Variants in SNRPN observed in about 807,000 individuals in gnomAD.
SNRPN encodes the protein small nuclear ribonucleoprotein polypeptide N.
In SNRPN, 7 loss-of-function variants were observed where a neutral mutation model predicts 25.2. The observed-to-expected ratio is 0.28, with a 90% CI of 0.16 to 0.52. The LOEUF is 0.52. Ranked by LOEUF, SNRPN falls within the 20% of genes least tolerant of loss-of-function variation. SNRPN has a pLI of 0.96. For missense variants in SNRPN, 196 were observed against 322.5 expected, an observed-to-expected ratio of 0.61 and a Z score of 3.00; for synonymous variants, 124 against 110.6, an observed-to-expected ratio of 1.12 and a Z score of -0.76.
intron 2 of SNRPN, chr15:24,912,365 T>G (rs2059268947): frequency 6.6e-6 from 1 of 152,206 alleles, no homozygotes; most frequent in African/African-American, 2.4e-5. Context: ...CTTCACAGGT[T>G]CACAGCTGGA....
At chr15:24,840,929 CCT>C (rs2051635892) in intron 2 of SNRPN, among the ~76,000 whole-genome samples, 1 of 152,170 alleles carries the variant, frequency 6.6e-6, no homozygotes, top group South Asian at 2.1e-4. Flanking sequence ...CTAACCTCCG[CCT>C]CCCAGGTTTA....
At position 24,974,970 on chromosome 15, in the gene SNRPN, T is replaced by C. The variant is rs1481218090; in HGVS notation, c.4-388T>C. ...GATGGACTCTCAGGTCAGATTACAATAGAAATAAAGAGGGCTTTGAAAATG... is the reference window on the plus strand; with the variant it reads ...GATGGACTCTCAGGTCAGATTACAACAGAAATAAAGAGGGCTTTGAAAATG... On this transcript the variant is annotated intron_variant, in intron 4 of 9. Transcript: ENST00000390687. 8 of 702,896 alleles carry C rather than the reference T, an allele frequency of 1.1e-5. No individual in the cohort carries two copies. In the East Asian group the frequency reaches 1.3e-4, roughly 12 times the overall value. The allele number at this position is 702,896 out of a possible 1,614,324, so 43.5% of individuals were successfully genotyped here. A position where few individuals can be genotyped will look rare whatever the true frequency, so the allele number is the denominator to read the frequency against.
At chr15:24,858,429 G>A (rs2053640502) in intron 1 of SNRPN, among the ~76,000 whole-genome samples, 1 of 150,912 alleles carries the variant, frequency 6.6e-6, no homozygotes, top group African/African-American at 2.4e-5. Context: ...TTAGTGTCCT[G>A]GGTAGTGAAA....
At chr15:24,835,086 TAAA>T (rs2051001192) in intron 2 of SNRPN, among the ~76,000 whole-genome samples, 1 of 54,280 alleles carries the variant, frequency 1.8e-5, no homozygotes, top group Non-Finnish European at 3.9e-5. Context: ...TATCTATATA[TAAA>T]ATATATAGAT....
chr15:24,968,203 A>G, intron 3 of SNRPN, 121 bp downstream of exon 3: 4 of 651,856 alleles, frequency 6.1e-6, no homozygotes, highest in Non-Finnish European at 8.0e-6. Flanking sequence ...CAATAAACAC[A>G]TTGCAGAAAG....
intron 3 of SNRPN, among the ~76,000 whole-genome samples, chr15:24,930,590 C>CA (rs67708507): frequency 0.28 from 27,494 of 98,206 alleles, 4,236 homozygotes; most frequent in South Asian, 0.42. Context: ...TACAAAAATA[C>CA]AAAAAAAAAA....
intron 3 of SNRPN, among the ~76,000 whole-genome samples, chr15:24,937,178 T>C (rs960897773): frequency 2.0e-5 from 3 of 151,888 alleles, no homozygotes; most frequent in Non-Finnish European, 2.9e-5. Flanking sequence ...GAGCCGGAGA[T>C]TGCAGCAAGA....
chr15:24,970,100 G>C (rs766850489), intron 3 of SNRPN, among the ~76,000 whole-genome samples: 4 of 152,168 alleles, frequency 2.6e-5, no homozygotes. Context: ...GATTATAGAA[G>C]TATATACGAA....
chr15:24,909,448 C>G, intron 2 of SNRPN: 1 of 1,588,470 alleles, frequency 6.3e-7, no homozygotes. Context: ...CATCGCCAGT[C>G]ACCTCCACTT....
intron 2 of SNRPN, among the ~76,000 whole-genome samples, chr15:24,889,006 C>T (rs1280160912): frequency 6.6e-6 from 1 of 152,092 alleles, no homozygotes; most frequent in Non-Finnish European, 1.5e-5. Context: ...CAACCTGAAC[C>T]TCTGGGGTTC....
At chr15:24,856,104 T>G (rs939343531), upstream of SNRPN, among the ~76,000 whole-genome samples, 1 of 152,176 alleles carries the variant, frequency 6.6e-6, no homozygotes, top group Non-Finnish European at 1.5e-5. Flanking sequence ...ACTATTTTAG[T>G]AAGACACTTC....
chr15:24,956,431 T>G (rs561779070), intron 1 of SNRPN, among the ~76,000 whole-genome samples: 1 of 152,096 alleles, frequency 6.6e-6, no homozygotes, highest in Non-Finnish European at 1.5e-5. Flanking sequence ...TTCTGCTGTT[T>G]CGGAGTTTCA....
chr15:24,880,241 G>A (rs1247076582), intron 1 of SNRPN, among the ~76,000 whole-genome samples: 2 of 152,174 alleles, frequency 1.3e-5, no homozygotes, highest in African/African-American at 4.8e-5. Context: ...GAGAGGTGGA[G>A]TAGAAGAGAT....
intron 1 of SNRPN, among the ~76,000 whole-genome samples, chr15:24,865,426 C>T (rs2054481224): frequency 6.6e-6 from 1 of 152,172 alleles, no homozygotes; most frequent in Non-Finnish European, 1.5e-5. Flanking sequence ...GACAAGTACA[C>T]AATCTCTAGA....
At chr15:24,866,773 G>C (rs12909268) in intron 1 of SNRPN, among the ~76,000 whole-genome samples, 1 of 151,902 alleles carries the variant, frequency 6.6e-6, no homozygotes, top group Non-Finnish European at 1.5e-5. Flanking sequence ...TTTCACATGA[G>C]TAAGATCTTG....
chr15:24,917,554 C>T (rs2059608397), intron 2 of SNRPN, among the ~76,000 whole-genome samples: 2 of 152,210 alleles, frequency 1.3e-5, no homozygotes, highest in South Asian at 2.1e-4. Flanking sequence ...GCCACCATTA[C>T]ACCTGCCTGC....
At position 24,835,071 on chromosome 15, in the gene SNRPN, A is replaced by AC. The variant is rs2050995870; in HGVS notation, c.-579+5166_-579+5167insC. On this transcript the variant is annotated intron_variant, in intron 2 of 12. Transcript: ENST00000400100. ...ATATATAAAAATATAGATATATAGT[A>AC]TATATATCTATATATAAAATATATA... Among the ~76,000 whole-genome samples, 2 of 68,570 alleles carry AC rather than the reference A, an allele frequency of 2.9e-5. 1 individual carries two copies. Among genetic ancestry groups the AC allele is most frequent in the Non-Finnish European group, 6.2e-5 (2 of 32,100 alleles). 45.0% of individuals were successfully genotyped at this position (68,570 alleles called of 152,430 possible). A position where few individuals can be genotyped will look rare whatever the true frequency, so the allele number is the denominator to read the frequency against.
chr15:24,962,296 T>G, intron 2 of SNRPN, 87 bp downstream of exon 2: 2 of 1,031,912 alleles, frequency 1.9e-6, no homozygotes, highest in Non-Finnish European at 1.5e-6. Flanking sequence ...GGGATTAAAA[T>G]GAACATAATT....
chr15:24,849,347 C>T (rs2052584505), intron 2 of SNRPN: 1 of 152,210 alleles, frequency 6.6e-6, no homozygotes, highest in South Asian at 2.1e-4. Context: ...AATTATTTTA[C>T]TAATCAGATT....
Sources: gnomAD v4.1 joint callset for allele counts (sites outside exome capture counted in the v4.1 genomes callset) on GRCh38, gnomAD v4.1.1 for gene constraint, MANE v1.5 for transcripts, NCBI Gene and HGNC (gene_info 2026-07-23, HGNC 2026-07-21) for gene names.